The following PTPRT variants were observed in gnomAD, a reference collection of about 807,000 sequenced individuals.
The protein encoded by PTPRT is protein tyrosine phosphatase receptor type T, also known as receptor-type tyrosine-protein phosphatase T.
In PTPRT, 56 loss-of-function variants were observed where a neutral mutation model predicts 176.8. The observed-to-expected ratio is 0.32, with a 90% CI of 0.26 to 0.40. The LOEUF is 0.40. Ranked by LOEUF, PTPRT falls within the 10% of genes least tolerant of loss-of-function variation. PTPRT has a pLI of 1.00. For synonymous variants in PTPRT, 783 were observed against 739.0 expected (o/e 1.06, Z -0.96); for missense variants, 1,540 against 1,908.2 (o/e 0.81, Z 3.60).
chr20:43,047,699 A>G (rs973912408), intron 1 of PTPRT, among the ~76,000 whole-genome samples: 21 of 152,166 alleles, frequency 1.4e-4, no homozygotes. Context: ...GATGATGATG[A>G]TGATGATGAC....
Position 43,180,369 on chromosome 20 carries a change from C to CTCTCTCTCTCTCTCTCTCTT in PTPRT, c.88+9276_88+9277insAAGAGAGAGAGAGAGAGAGA, listed in dbSNP as rs1208040640. On this transcript the variant is annotated intron_variant, in intron 1 of 30. Coordinates refer to ENST00000373187, the MANE Select transcript of PTPRT (RefSeq NM_007050.6). ...TCTCTCTCTCTCTCTCTCTCTCTCTCTCTGCCCCCACCTCCCTCCCTTCCT... is the reference window on the plus strand; with the variant it reads ...TCTCTCTCTCTCTCTCTCTCTCTCTCTCTCTCTCTCTCTCTCTCTTTCTGCCCCCACCTCCCTCCCTTCCT... Among the ~76,000 whole-genome samples, 124 of 151,346 alleles carry CTCTCTCTCTCTCTCTCTCTT rather than the reference C, an allele frequency of 8.2e-4. 1 individual carries two copies. Among genetic ancestry groups the CTCTCTCTCTCTCTCTCTCTT allele is most frequent in the African/African-American group, 3.0e-3 (122 of 41,066 alleles).
At chr20:42,816,505 TAGA>T (rs1480369826) in intron 2 of PTPRT, among the ~76,000 whole-genome samples, 1 of 152,112 alleles carries the variant, frequency 6.6e-6, no homozygotes, top group Non-Finnish European at 1.5e-5. Flanking sequence ...TCCCTACATG[TAGA>T]AGGAGGGACC....
intron 7 of PTPRT, among the ~76,000 whole-genome samples, chr20:42,677,479 C>T (rs892111011): frequency 2.0e-5 from 3 of 152,076 alleles, no homozygotes; most frequent in African/African-American, 7.2e-5. Context: ...AGAGACAAAA[C>T]CAAGAGCCCT....
At chr20:42,390,062 A>G (rs762868115) in intron 9 of PTPRT, among the ~76,000 whole-genome samples, 1 of 152,182 alleles carries the variant, frequency 6.6e-6, no homozygotes, top group Non-Finnish European at 1.5e-5. Context: ...GCCATCTAAT[A>G]GCTTTCTTCC....
intron 22 of PTPRT, among the ~76,000 whole-genome samples, chr20:42,113,576 G>A (rs2146305040): frequency 6.6e-6 from 1 of 152,338 alleles, no homozygotes; most frequent in South Asian, 2.1e-4. Context: ...TGGCTTCCAC[G>A]CCTTAAGGGG....
the PTPRT span, among the ~76,000 whole-genome samples, chr20:42,052,168 G>A: frequency 3.5e-4 from 54 of 152,320 alleles, no homozygotes; most frequent in Middle Eastern, 6.8e-3. Flanking sequence ...CCTGGCAATG[G>A]GAGCACCCCA....
intron 1 of PTPRT, chr20:42,970,758 T>C (rs1982584291): frequency 6.6e-6 from 1 of 152,218 alleles, no homozygotes; most frequent in African/African-American, 2.4e-5. Flanking sequence ...ACTTATAATG[T>C]TTATATTGTT....
intron 1 of PTPRT, among the ~76,000 whole-genome samples, chr20:43,028,706 G>C (rs1158928135): frequency 6.6e-6 from 1 of 152,184 alleles, no homozygotes; most frequent in Non-Finnish European, 1.5e-5. Flanking sequence ...CCTAAGGCAA[G>C]GTACAGATCC....
At chr20:42,444,882 C>T (rs1383478476) in intron 9 of PTPRT, among the ~76,000 whole-genome samples, 1 of 152,172 alleles carries the variant, frequency 6.6e-6, no homozygotes, top group African/African-American at 2.4e-5. Context: ...AAAGCAAGGT[C>T]TCTTGCTTAC....
intron 13 of PTPRT, among the ~76,000 whole-genome samples, chr20:42,264,438 T>A (rs1303632827): frequency 3.3e-5 from 5 of 152,158 alleles, no homozygotes; most frequent in Non-Finnish European, 7.4e-5. Flanking sequence ...CCAAGGCTCG[T>A]CTCCTCCCCC....
chr20:42,126,229 G>A (rs77926033), intron 19 of PTPRT, among the ~76,000 whole-genome samples: 1,581 of 152,222 alleles, frequency 0.01, 27 homozygotes, highest in African/African-American at 0.035. Flanking sequence ...TGACTTACTT[G>A]AGCCACCCAT....
At chr20:42,830,548 G>T (rs2145689306) in intron 2 of PTPRT, among the ~76,000 whole-genome samples, 1 of 152,290 alleles carries the variant, frequency 6.6e-6, no homozygotes, top group Non-Finnish European at 1.5e-5. Context: ...CAACAGGGAT[G>T]CTCTCTCTCA....
chr20:42,163,714 A>G (rs1191963801), intron 16 of PTPRT, among the ~76,000 whole-genome samples: 1 of 152,212 alleles, frequency 6.6e-6, no homozygotes, highest in Non-Finnish European at 1.5e-5. Flanking sequence ...AAGAACAAGG[A>G]GGTTGATAAG....
In PTPRT at chr20:42,153,486, C is replaced by G. The variant is rs909001913; in HGVS notation, c.2682+7866G>C. Among the ~76,000 whole-genome samples the G allele has an allele frequency of 5.3e-4, 81 of 152,100 alleles. 1 individual carries two copies. The highest frequency in any genetic ancestry group is 2.8e-4 in the Non-Finnish European group (19 of 68,026). ...TATAGTACCACCTGAAAATTGCTCA[C>G]TTGGTTGGGGGAGATCCTGTATTAA... On this transcript the variant is annotated intron_variant, in intron 17 of 30. Transcript: ENST00000373187.
At chr20:42,063,665 G>A in the PTPRT span, 141 of 152,226 alleles carry the variant, frequency 9.3e-4, 1 homozygote, top group African/African-American at 3.3e-3. Context: ...TAAAGCATTT[G>A]TTAACCTTGT....
chr20:42,556,495 T>A (rs1459692481), intron 7 of PTPRT, among the ~76,000 whole-genome samples: 1 of 152,154 alleles, frequency 6.6e-6, no homozygotes. Flanking sequence ...AGAATATCAC[T>A]GCATCACTTG....
At chr20:42,795,289 C>T (rs2077437533) in intron 2 of PTPRT, among the ~76,000 whole-genome samples, 1 of 152,098 alleles carries the variant, frequency 6.6e-6, no homozygotes. Flanking sequence ...CCAGGAAGTA[C>T]TCTCTGGCTG....
chr20:43,175,181 GA>G (rs2146468659), intron 1 of PTPRT, among the ~76,000 whole-genome samples: 1 of 152,350 alleles, frequency 6.6e-6, no homozygotes, highest in South Asian at 2.1e-4. Context: ...CCAGGAAAGA[GA>G]AAGAGACGGA....
chr20:42,374,180 C>T (rs1274329238), intron 9 of PTPRT, among the ~76,000 whole-genome samples: 1 of 152,228 alleles, frequency 6.6e-6, no homozygotes, highest in African/African-American at 2.4e-5. Context: ...ACTGCCATAG[C>T]CCATCTGTCT....
Sources: gnomAD v4.1 joint callset for allele counts (sites outside exome capture counted in the v4.1 genomes callset) on GRCh38, gnomAD v4.1.1 for gene constraint, MANE v1.5 for transcripts, NCBI Gene and HGNC (gene_info 2026-07-23, HGNC 2026-07-21) for gene names.